The following EVI5 variants were observed in gnomAD, a reference collection of about 807,000 sequenced individuals.
EVI5 encodes ecotropic viral integration site 5, also known as ecotropic viral integration site 5 protein homolog.
EVI5 carries 73 observed loss-of-function variants against 112.0 expected under a neutral mutation model. The ratio of observed to expected loss-of-function variants is 0.65; its 90% CI spans 0.54 to 0.79. The LOEUF is 0.79. EVI5 is among the 30% of genes least tolerant of loss of function. The pLI is 0.00. For missense variants in EVI5, 900 were observed against 968.8 expected (o/e 0.93, Z 0.94); for synonymous variants, 305 against 319.9 (o/e 0.95, Z 0.50).
intron 2 of EVI5, among the ~76,000 whole-genome samples, chr1:92,715,162 T>C (rs1673429882): frequency 2.0e-5 from 3 of 152,066 alleles, no homozygotes; most frequent in African/African-American, 4.8e-5. Context: ...CCTGCCACCA[T>C]GTCCAGCTAA....
chr1:92,669,726 A>T (rs1169165532), intron 10 of EVI5, among the ~76,000 whole-genome samples: 1 of 151,896 alleles, frequency 6.6e-6, no homozygotes, highest in Non-Finnish European at 1.5e-5. Context: ...TTCAAATGGA[A>T]CTTCTTCCAG....
intron 1 of EVI5, among the ~76,000 whole-genome samples, chr1:92,754,989 A>T (rs1452274111): frequency 6.6e-6 from 1 of 151,844 alleles, no homozygotes; most frequent in African/African-American, 2.4e-5. Context: ...GTATAATGTT[A>T]TATCTTAAAG....
At chr1:92,628,514 G>A (rs1340990848) in intron 14 of EVI5, among the ~76,000 whole-genome samples, 1 of 152,316 alleles carries the variant, frequency 6.6e-6, no homozygotes. Context: ...TATAACGTGA[G>A]AGAAGAGGAT....
chr1:92,529,894 C>T (rs1662564081), intron 19 of EVI5, among the ~76,000 whole-genome samples: 1 of 151,982 alleles, frequency 6.6e-6, no homozygotes, highest in Non-Finnish European at 1.5e-5. Context: ...AAAAATTATG[C>T]TTACTGTATT....
intron 10 of EVI5, among the ~76,000 whole-genome samples, chr1:92,670,180 A>G (rs1665624660): frequency 6.6e-6 from 1 of 152,214 alleles, no homozygotes; most frequent in African/African-American, 2.4e-5. Flanking sequence ...TAATAATAGG[A>G]GACAAAAAAC....
rs1052020351 is a variant in EVI5, at chr1:92,756,139, G to A, written c.-81-19512C>T. On this transcript the variant is annotated intron_variant, in intron 1 of 19. Coordinates refer to ENST00000684568, the MANE Select transcript of EVI5 (RefSeq NM_001350197.2). ...TAAGCTGGAACAGCTCAACAGCCTAGGTGTTATGACTAATATGAATGTAGT... is the reference window on the plus strand; with the variant it reads ...TAAGCTGGAACAGCTCAACAGCCTAAGTGTTATGACTAATATGAATGTAGT... 5 of 361,206 alleles carry A rather than the reference G, an allele frequency of 1.4e-5. No individual in the cohort carries two copies. In the Admixed American group the frequency reaches 1.6e-4, roughly 12 times the overall value. The allele number at this position is 361,206 out of a possible 1,614,324, so 22.4% of individuals were successfully genotyped here.
chr1:92,603,519 G>T (rs950661348), intron 18 of EVI5, among the ~76,000 whole-genome samples: 1 of 152,012 alleles, frequency 6.6e-6, no homozygotes, highest in African/African-American at 2.4e-5. Flanking sequence ...CTTTAAAAAT[G>T]AAGAAAATTT....
At chr1:92,736,772 A>G in intron 1 of EVI5, 145 bp from the exon 2 acceptor site, 2 of 632,860 alleles carry the variant, frequency 3.2e-6, no homozygotes, top group Non-Finnish European at 5.6e-6. Flanking sequence ...TTTAGCAACA[A>G]TACCCTAATA....
intron 1 of EVI5, among the ~76,000 whole-genome samples, chr1:92,779,624 G>A (rs1275661461): frequency 6.6e-6 from 1 of 152,154 alleles, no homozygotes; most frequent in Non-Finnish European, 1.5e-5. Flanking sequence ...ATAAGTGACT[G>A]AGTAGAGGAG....
intron 16 of EVI5, among the ~76,000 whole-genome samples, chr1:92,623,693 C>T (rs1402440521): frequency 6.6e-6 from 1 of 152,160 alleles, no homozygotes; most frequent in African/African-American, 2.4e-5. Flanking sequence ...ATTTTGTCCC[C>T]CAGGGGACAT....
intron 9 of EVI5, among the ~76,000 whole-genome samples, chr1:92,688,526 T>C (rs1668950450): frequency 6.6e-6 from 1 of 152,206 alleles, no homozygotes; most frequent in Non-Finnish European, 1.5e-5. Context: ...TAAGGTACCA[T>C]AGTAAGATCT....
chr1:92,523,230 T>G (rs2101748976), intron 19 of EVI5, among the ~76,000 whole-genome samples: 1 of 152,208 alleles, frequency 6.6e-6, no homozygotes, highest in South Asian at 2.1e-4. Flanking sequence ...AAAAATACAG[T>G]GAATAATTTA....
chr1:92,677,098 T>C (rs1666874105), intron 10 of EVI5, 60 bp downstream of exon 10: 1 of 987,354 alleles, frequency 1.0e-6, no homozygotes, highest in African/African-American at 1.6e-5. Flanking sequence ...ACTTTAAACA[T>C]CTACTGTCCA....
chr1:92,619,783 G>C (rs542121804), intron 16 of EVI5, among the ~76,000 whole-genome samples: 1 of 151,332 alleles, frequency 6.6e-6, no homozygotes, highest in East Asian at 1.9e-4. Flanking sequence ...TTTTGTTAAA[G>C]AAAAGCTAGA....
At chr1:92,652,944 T>C (rs1230359064) in intron 13 of EVI5, among the ~76,000 whole-genome samples, 1 of 151,354 alleles carries the variant, frequency 6.6e-6, no homozygotes, top group Non-Finnish European at 1.5e-5. Flanking sequence ...TAGTTGGGAG[T>C]GTTTGGGCTC....
intron 19 of EVI5, among the ~76,000 whole-genome samples, chr1:92,525,840 C>T (rs1257714561): frequency 6.6e-6 from 1 of 152,094 alleles, no homozygotes; most frequent in Admixed American, 6.6e-5. Context: ...AATTATGTTC[C>T]CATTTTATTT....
intron 14 of EVI5, among the ~76,000 whole-genome samples, chr1:92,635,602 G>C (rs1365325696): frequency 6.6e-6 from 1 of 152,178 alleles, no homozygotes; most frequent in East Asian, 1.9e-4. Context: ...CTAGGAAAGG[G>C]AATTTCCTGA....
chr1:92,756,268 T>C, intron 1 of EVI5: 1 of 430,840 alleles, frequency 2.3e-6, no homozygotes, highest in Non-Finnish European at 4.7e-6. Flanking sequence ...TTGAATTTGT[T>C]CTCTCTGAAG....
chr1:92,544,225 C>A (rs1665306218), intron 19 of EVI5, among the ~76,000 whole-genome samples: 1 of 152,094 alleles, frequency 6.6e-6, no homozygotes, highest in Non-Finnish European at 1.5e-5. Context: ...CATAGGATTT[C>A]TTTTTGGAGA....
Sources: gnomAD v4.1 joint callset for allele counts (sites outside exome capture counted in the v4.1 genomes callset) on GRCh38, gnomAD v4.1.1 for gene constraint, MANE v1.5 for transcripts, NCBI Gene and HGNC (gene_info 2026-07-23, HGNC 2026-07-21) for gene names.